Variants in ANO4 observed in about 807,000 individuals in gnomAD.
The protein encoded by ANO4 is anoctamin-4.
ANO4 carries 69 observed loss-of-function variants against 141.9 expected under a neutral mutation model. The observed-to-expected ratio is 0.49, with a 90% confidence interval of 0.40 to 0.59. The LOEUF is 0.59. Ranked by LOEUF, ANO4 falls within the 20% of genes least tolerant of loss-of-function variation. The pLI is 0.00. For synonymous variants in ANO4, 350 were observed against 394.3 expected (o/e 0.89, Z 1.33); for missense variants, 894 against 1,162.2 (o/e 0.77, Z 3.36).
At chr12:100,960,926 T>G (rs1310924099) in intron 5 of ANO4, among the ~76,000 whole-genome samples, 1 of 152,162 alleles carries the variant, frequency 6.6e-6, no homozygotes, top group East Asian at 1.9e-4. Context: ...GAAGGGACGT[T>G]TGGAATTTTA....
chr12:101,108,508 C>G (rs2050536773), intron 22 of ANO4, among the ~76,000 whole-genome samples: 1 of 152,096 alleles, frequency 6.6e-6, no homozygotes. Flanking sequence ...CTAAGGTTGT[C>G]ATGAAAATTA....
chr12:101,075,216 G>GA (rs2048974587), intron 14 of ANO4, among the ~76,000 whole-genome samples: 2 of 152,194 alleles, frequency 1.3e-5, no homozygotes, highest in South Asian at 4.1e-4. Context: ...GGCAAACTGA[G>GA]AAAGTATAAA....
At chr12:101,033,489 C>T (rs1361607824) in intron 9 of ANO4, among the ~76,000 whole-genome samples, 1 of 151,632 alleles carries the variant, frequency 6.6e-6, no homozygotes, top group Non-Finnish European at 1.5e-5. Flanking sequence ...TAAAAATTAA[C>T]TCAAGATGGA....
intron 1 of ANO4, among the ~76,000 whole-genome samples, chr12:100,880,387 A>G (rs1203426584): frequency 1.3e-5 from 2 of 152,156 alleles, no homozygotes; most frequent in Admixed American, 1.3e-4. Context: ...TAAGGTAGAT[A>G]TTGTCTTTAT....
rs114278499 is a variant in ANO4, at chr12:100,726,150, G to A, written c.23-7624G>A. 8.7e-3 allele frequency among the ~76,000 whole-genome samples: 1,317 copies of A among 152,222 alleles called. 23 individuals are homozygous for A. Among genetic ancestry groups the A allele is most frequent in the African/African-American group, 0.03 (1,234 of 41,540 alleles). ...ATGGACTTCTCCTCATGGTAGTTAC[G>A]TGATGTGTTCATTTTGTGATAATTT... On this transcript the variant is annotated intron_variant, in intron 1 of 29. Coordinates refer to the ANO4 transcript ENST00000644049.
intron 8 of ANO4, among the ~76,000 whole-genome samples, chr12:101,003,176 C>G (rs1276634124): frequency 2.0e-5 from 3 of 152,220 alleles, no homozygotes; most frequent in Non-Finnish European, 4.4e-5. Flanking sequence ...TACAACAAAC[C>G]CTCAAATCTC....
At chr12:101,006,519 T>C (rs2045878874) in intron 8 of ANO4, among the ~76,000 whole-genome samples, 1 of 152,232 alleles carries the variant, frequency 6.6e-6, no homozygotes, top group African/African-American at 2.4e-5. Context: ...GAACGTTCAT[T>C]AGAGCATTGT....
intron 5 of ANO4, among the ~76,000 whole-genome samples, chr12:100,955,502 G>C (rs982256909): frequency 2.6e-5 from 4 of 152,172 alleles, no homozygotes; most frequent in Non-Finnish European, 4.4e-5. Flanking sequence ...TTATTCTGCT[G>C]TACTCCACTG....
At chr12:100,891,597 TTTTA>T (rs1164817066) in intron 1 of ANO4, among the ~76,000 whole-genome samples, 27 of 152,132 alleles carry the variant, frequency 1.8e-4, no homozygotes, top group Non-Finnish European at 3.2e-4. Context: ...TAAGATTTAT[TTTTA>T]TTTTAATATT....
rs117451566 is a variant in ANO4, at chr12:100,978,353, G to A, written c.602+3464G>A. ...GGGTGAAAACATTTGCTCAAACAGT[G>A]GGGGTGGGATGGACAATAAGGGCTT... On this transcript the variant is annotated intron_variant, in intron 7 of 27. Coordinates refer to ENST00000392977, the MANE Select transcript of ANO4 (RefSeq NM_001286615.2). Among the ~76,000 whole-genome samples the A allele has an allele frequency of 9.5e-3, 1,448 of 152,330 alleles. 7 individuals are homozygous for A. The highest frequency in any genetic ancestry group is 0.014 in the Non-Finnish European group (970 of 68,028).
At chr12:100,961,957 C>T (rs1039514060) in intron 5 of ANO4, among the ~76,000 whole-genome samples, 1 of 152,138 alleles carries the variant, frequency 6.6e-6, no homozygotes, top group Admixed American at 6.6e-5. Flanking sequence ...GTCTTCCAGA[C>T]TTGACATGGG....
At chr12:100,741,609 A>G (rs2031869108) in intron 3 of ANO4, among the ~76,000 whole-genome samples, 1 of 152,168 alleles carries the variant, frequency 6.6e-6, no homozygotes, top group African/African-American at 2.4e-5. Flanking sequence ...TTGGTAATGA[A>G]GAGCACTGGG....
At chr12:100,856,006 G>A (rs1177337297) in intron 1 of ANO4, among the ~76,000 whole-genome samples, 8 of 152,148 alleles carry the variant, frequency 5.3e-5, no homozygotes, top group Non-Finnish European at 1.0e-4. Context: ...TAGAGGAAGG[G>A]GTGGAGTTTC....
chr12:100,909,084 A>G (rs1035188112), intron 2 of ANO4, among the ~76,000 whole-genome samples: 1 of 152,232 alleles, frequency 6.6e-6, no homozygotes, highest in African/African-American at 2.4e-5. Context: ...CTAATCATTT[A>G]GTCCAAACAA....
intron 1 of ANO4, among the ~76,000 whole-genome samples, chr12:100,717,900 G>A (rs1463160287): frequency 1.3e-5 from 2 of 152,304 alleles, no homozygotes; most frequent in Non-Finnish European, 2.9e-5. Context: ...TGTGCGTTCA[G>A]CCAGCGCTTA....
intron 9 of ANO4, among the ~76,000 whole-genome samples, chr12:101,025,063 C>G (rs1056504120): frequency 6.6e-6 from 1 of 152,124 alleles, no homozygotes; most frequent in Admixed American, 6.6e-5. Context: ...TAGGAAGTAG[C>G]AGAAATCTTG....
intron 7 of ANO4, among the ~76,000 whole-genome samples, chr12:100,976,582 AGTGTCTT>A (rs2044204536): frequency 6.6e-6 from 1 of 152,182 alleles, no homozygotes; most frequent in Non-Finnish European, 1.5e-5. Flanking sequence ...TCAACCCCAG[AGTGTCTT>A]GTTCAGTAGA....
intron 2 of ANO4, among the ~76,000 whole-genome samples, chr12:100,921,265 G>A: frequency 6.6e-6 from 1 of 152,090 alleles, no homozygotes; most frequent in East Asian, 1.9e-4. Context: ...ACCTTCAGGT[G>A]TTTTACTCCT....
rs11110642 is a variant in ANO4, at chr12:101,066,044, A to G, written c.1313-13149A>G. Among the ~76,000 whole-genome samples the G allele has an allele frequency of 9.0e-4, 137 of 152,314 alleles. 2 individuals carry two copies. The East Asian group carries it at 0.019, about 21-fold the overall frequency. Reference sequence around the variant, plus strand: ...CATTTCAATTGATGACAAAGAAAGAATTTGATAAAGTTCAACATTTATTCA... The same window carrying G: ...CATTTCAATTGATGACAAAGAAAGAGTTTGATAAAGTTCAACATTTATTCA... On this transcript the variant is annotated intron_variant, in intron 14 of 27. Coordinates refer to ENST00000392977, the MANE Select transcript of ANO4 (RefSeq NM_001286615.2).
Sources: gnomAD v4.1 joint callset for allele counts (sites outside exome capture counted in the v4.1 genomes callset) on GRCh38, gnomAD v4.1.1 for gene constraint, MANE v1.5 for transcripts, NCBI Gene and HGNC (gene_info 2026-07-23, HGNC 2026-07-21) for gene names.